The following CNTROB variants were observed in gnomAD, a reference collection of about 807,000 sequenced individuals.
The protein encoded by CNTROB is centrobin.
A neutral mutation model predicts 115.7 loss-of-function variants in CNTROB; 82 were observed. The observed-to-expected ratio is 0.71, with a 90% CI of 0.59 to 0.85. The LOEUF (loss-of-function observed/expected upper bound fraction) is 0.85. Among genes scored for constraint, CNTROB ranks in the 40% least tolerant of loss-of-function variants. The pLI, the probability that CNTROB is intolerant of heterozygous loss-of-function variation, is 0.00. For synonymous variants in CNTROB, 439 were observed against 456.4 expected (o/e 0.96, Z 0.49); for missense variants, 1,014 against 1,144.4 (o/e 0.89, Z 1.64).
rs1974769509 is a variant in CNTROB at position 7,948,093 on chromosome 17, G to A, written c.2210-64G>A. 1 of 1,604,134 alleles carries A rather than the reference G, an allele frequency of 6.2e-7. No individual in the cohort carries two copies. The highest frequency in any genetic ancestry group is 8.5e-7 in the Non-Finnish European group (1 of 1,171,412). On this transcript the variant is annotated intron_variant, in intron 15 of 18. Transcript: ENST00000563694. The surrounding 1 kb of genome is among the most constrained non-coding windows in gnomAD (Gnocchi z 4.4). ...AGTAATAAAGCCTTATAAATGCTGGGTGGTGGGACTTCCTTGGTTCTATGC... is the reference window on the plus strand; with the variant it reads ...AGTAATAAAGCCTTATAAATGCTGGATGGTGGGACTTCCTTGGTTCTATGC...
At position 7,944,844 on chromosome 17, in the gene CNTROB, G is replaced by T. The variant is rs1220803226; in HGVS notation, c.1734+206G>T. On this transcript the variant is annotated intron_variant, in intron 12 of 18. Transcript: ENST00000563694. The surrounding 1 kb of genome is among the most constrained non-coding windows in gnomAD (Gnocchi z 4.0). ...AGGCATAAGCTACCATGCCCAGCAA[G>T]AACTGTGTTCTAGATTCCTTCTTTG... Among the ~76,000 whole-genome samples the T allele has an allele frequency of 6.6e-6, 1 of 152,130 alleles. No individual in the cohort carries two copies. Among genetic ancestry groups the T allele is most frequent in the Non-Finnish European group, 1.5e-5 (1 of 68,036 alleles).
chr17:7,942,092 C>T (rs1310937734), intron 9 of CNTROB, among the ~76,000 whole-genome samples: 2 of 151,706 alleles, frequency 1.3e-5, no homozygotes, highest in Non-Finnish European at 2.9e-5. Flanking sequence ...CATAATGAGA[C>T]CCCATCTCTA....
chr17:7,944,148 C>A lies in CNTROB; in HGVS notation c.1471C>A (p.Gln491Lys). The change falls in exon 11 of 19, where the codon CAG becomes AAG. Residue 491 changes from glutamine (Q) to lysine (K), a missense_variant. Gln to Lys is a moderately conservative substitution (Grantham distance 53, BLOSUM62 1). Coordinates refer to ENST00000563694, the MANE Select transcript of CNTROB (RefSeq NM_053051.5). This position sits in a 1 kb window ranked among gnomAD's most constrained non-coding sequence, Gnocchi z 4.0. Reference protein sequence around the residue: ...HRKQLQDLSGQHQQELASQLA... With the variant: ...HRKQLQDLSGKHQQELASQLA... ...GAAGCAGCTGCAGGACCTGAGTGGA[C>A]AGCACCAGCAGGAGCTGGCCAGTCA... is the stretch of plus-strand genomic sequence containing the variant. 6.2e-7 allele frequency: 1 copy of A among 1,610,272 alleles called. No homozygotes were observed. The highest frequency in any genetic ancestry group is 8.5e-7 in the Non-Finnish European group (1 of 1,176,474).
Position 7,932,966 on chromosome 17 carries a change from G to T in CNTROB, c.-114G>T. 1 of 1,143,772 alleles carries T rather than the reference G, an allele frequency of 8.7e-7. No individual in the cohort carries two copies. The highest frequency in any genetic ancestry group is 2.4e-5 in the East Asian group (1 of 42,504). The allele number at this position is 1,143,772 out of a possible 1,614,324, so 70.9% of individuals were successfully genotyped here. A position where few individuals can be genotyped will look rare whatever the true frequency, so the allele number is the denominator to read the frequency against. ...CCTTAATTCACCAAGGATCCTTGGC[G>T]TGGAGTCTTCCTCCCTTCTCCCAAG... On this transcript the variant is annotated 5_prime_UTR_variant, in exon 1 of 19. Transcript: ENST00000563694.
chr17:7,948,759 ATCT>A lies in CNTROB; in HGVS notation c.2513+144_2513+146del. ...TGAAGGATGAGAGGTGGATCCACAG[ATCT>A]TCTCTAACTGCCCCACACTTTTCTT... On this transcript the variant is annotated intron_variant, in intron 17 of 18. Coordinates refer to ENST00000563694, the MANE Select transcript of CNTROB (RefSeq NM_053051.5). The surrounding 1 kb of genome is among the most constrained non-coding windows in gnomAD (Gnocchi z 4.4). 1.9e-6 allele frequency: 3 copies of A among 1,590,976 alleles called. No individual in the cohort carries two copies. Among genetic ancestry groups the A allele is most frequent in the Admixed American group, 3.5e-5 (2 of 57,376 alleles).
intron 14 of CNTROB, 73 bp from the exon 15 acceptor site, chr17:7,947,843 C>A (rs1448015982): frequency 3.7e-6 from 6 of 1,607,274 alleles, no homozygotes; most frequent in Admixed American, 1.7e-5. Flanking sequence ...TTTGTCCCAG[C>A]TTCTTCTCTC....
chr17:7,934,055 G>C lies in CNTROB; in HGVS notation c.271-83G>C, dbSNP rs1002925713. The C allele has an allele frequency of 4.4e-6, 5 of 1,138,200 alleles. No individual in the cohort carries two copies. The African/African-American group carries it at 7.6e-5, about 17-fold the overall frequency. The allele number at this position is 1,138,200 out of a possible 1,614,324, so 70.5% of individuals were successfully genotyped here. A position where few individuals can be genotyped will look rare whatever the true frequency, so the allele number is the denominator to read the frequency against. On this transcript the variant is annotated intron_variant, in intron 1 of 18. Transcript: ENST00000563694. The stretch of plus-strand genomic sequence containing the variant: ...TTTGGTTTTTCTTGTTTTCCAAAGT[G>C]CTGGAGTGAAAATTCTACCCTGGCA...
rs757417896 is a variant in CNTROB, at chr17:7,949,758, C to T, written c.*248C>T. On this transcript the variant is annotated 3_prime_UTR_variant, in exon 19 of 19. Coordinates refer to ENST00000563694, the MANE Select transcript of CNTROB (RefSeq NM_053051.5). ...TATGACAAGATTTGGAAAGTTGGGG[C>T]GGCTAAGATTCAGTGGACAAAGCTA... 2.7e-5 allele frequency: 10 copies of T among 371,862 alleles called. No individual in the cohort carries two copies. In the South Asian group the frequency reaches 3.6e-4, roughly 14 times the overall value. The allele number at this position is 371,862 out of a possible 1,614,324, so 23.0% of individuals were successfully genotyped here.
chr17:7,947,893 T>G (rs780881721), intron 14 of CNTROB, 23 bp from the exon 15 acceptor site: 1 of 1,613,298 alleles, frequency 6.2e-7, no homozygotes, highest in South Asian at 1.1e-5. Flanking sequence ...CCTAGGGAAC[T>G]TGACAATCTT....
chr17:7,941,652 T>A (rs909225427), intron 9 of CNTROB, among the ~76,000 whole-genome samples: 1 of 138,008 alleles, frequency 7.2e-6, no homozygotes, highest in Non-Finnish European at 1.5e-5. Context: ...TACAATGAGA[T>A]CACATGCGAT....
intron 12 of CNTROB, 190 bp from the exon 13 acceptor site, chr17:7,945,538 G>A (rs1974425629): frequency 3.4e-6 from 2 of 589,670 alleles, no homozygotes; most frequent in Admixed American, 6.6e-5. Flanking sequence ...TTTTTGTAGA[G>A]ATGGCATCTC....
At chr17:7,938,336 TA>T (rs899169790) in intron 7 of CNTROB, among the ~76,000 whole-genome samples, 6 of 151,634 alleles carry the variant, frequency 4.0e-5, no homozygotes, top group African/African-American at 1.5e-4. Context: ...GCTGAAATGA[TA>T]AGGTGATTAG....
At position 7,939,077 on chromosome 17, in the gene CNTROB, C is replaced by G. The variant is rs1973534862; in HGVS notation, c.928-436C>G. The stretch of plus-strand genomic sequence containing the variant: ...TACAGGCATGAGCCACTGCGCCTGT[C>G]AACTATTGTGGGGTTTCTTTTGGTT... On this transcript the variant is annotated intron_variant, in intron 7 of 18. Coordinates refer to ENST00000563694, the MANE Select transcript of CNTROB (RefSeq NM_053051.5). This position sits in a 1 kb window ranked among gnomAD's most constrained non-coding sequence, Gnocchi z 4.4. Among the ~76,000 whole-genome samples, 2 of 151,722 alleles carry G rather than the reference C, an allele frequency of 1.3e-5. No homozygotes were observed. The highest frequency in any genetic ancestry group is 1.3e-4 in the Admixed American group (2 of 15,216).
At chr17:7,936,558 C>A in intron 5 of CNTROB, 76 bp downstream of exon 5, 3 of 804,650 alleles carry the variant, frequency 3.7e-6, no homozygotes, top group Non-Finnish European at 6.8e-6. Context: ...GGTGGCCAAC[C>A]AATGTTTCTT....
rs779620180 is a variant in CNTROB, at chr17:7,944,623, G to A, written c.1719G>A (p.Pro573=). ...ACCAGCTGCTCAGCACCACTCTCCCGCCGCCCAACCCTCCAGTACGCCTTA... is the reference window on the plus strand; with the variant it reads ...ACCAGCTGCTCAGCACCACTCTCCCACCGCCCAACCCTCCAGTACGCCTTA... The part of the protein sequence containing the change: ...EANQLLSTTL[P]PPNPPAPPAG... The change falls in exon 12 of 19, where the codon CCG becomes CCA. Residue 573 remains proline, a synonymous_variant. Coordinates refer to ENST00000563694, the MANE Select transcript of CNTROB (RefSeq NM_053051.5). This position sits in a 1 kb window ranked among gnomAD's most constrained non-coding sequence, Gnocchi z 4.0. 3.3e-5 allele frequency: 53 copies of A among 1,609,932 alleles called. No homozygotes were observed. Among genetic ancestry groups the A allele is most frequent in the South Asian group, 5.5e-5 (5 of 90,866 alleles).
chr17:7,934,931 G>A, intron 3 of CNTROB, 58 bp from the exon 4 acceptor site: 1 of 1,514,388 alleles, frequency 6.6e-7, no homozygotes, highest in Non-Finnish European at 8.9e-7. Flanking sequence ...TATCACAGTT[G>A]GACAAGTGGA....
In CNTROB at chr17:7,945,978, C is replaced by A. The variant is rs1803245295; in HGVS notation, c.1985C>A (p.Ser662Ter). The change falls in exon 13 of 19, where the codon TCA (serine) becomes TAA (stop). Residue 662 changes from serine to a stop codon, truncating the protein, a stop_gained. Transcript: ENST00000563694. LOFTEE classifies it high-confidence loss of function. Reference sequence around the variant, plus strand: ...CTGGAGCCCAAACCAGACCTCACTTCATCCACAGGTAACTGGGGGCAGAAG... The same window carrying A: ...CTGGAGCCCAAACCAGACCTCACTTAATCCACAGGTAACTGGGGGCAGAAG... ...QPLEPKPDLTSSTAGAFSALG... is the reference protein window; with the variant it reads ...QPLEPKPDLT The A allele has an allele frequency of 6.2e-7, 1 of 1,613,904 alleles. No homozygotes were observed. The highest frequency in any genetic ancestry group is 1.3e-5 in the African/African-American group (1 of 74,922).
chr17:7,942,792 T>TC (rs1974054695), intron 9 of CNTROB, among the ~76,000 whole-genome samples: 1 of 89,298 alleles, frequency 1.1e-5, no homozygotes, highest in Non-Finnish European at 2.3e-5. Context: ...AGGGTATTTT[T>TC]TTTTTTTTTT....
Position 7,945,745 on chromosome 17 carries a change from C to T in CNTROB, c.1752C>T (p.Pro584=). ...CTGGTCAGGCTCCTCCTGCTGGACC[C>T]TCCAGCCCCGGGCCTCAGGAGCCCG... ...PPNPPAPPAG[P]SSPGPQEPEK... is the part of the protein sequence containing the mutation. Residue 584 remains proline (P), a synonymous_variant, in exon 13 of 19, where the codon CCC becomes CCT. Coordinates refer to ENST00000563694, the MANE Select transcript of CNTROB (RefSeq NM_053051.5). 2 of 1,614,224 alleles carry T rather than the reference C, an allele frequency of 1.2e-6. No individual in the cohort carries two copies.
Sources: allele counts gnomAD v4.1 joint callset (sites outside exome capture counted in the v4.1 genomes callset), GRCh38; gene constraint gnomAD v4.1.1; non-coding constraint Gnocchi (gnomAD v3.1); transcripts MANE v1.5; gene names NCBI Gene and HGNC (gene_info 2026-07-23, HGNC 2026-07-21).